The following GHR variants were observed in gnomAD, a reference collection of about 807,000 sequenced individuals.
GHR encodes GH receptor.
A neutral mutation model predicts 67.1 loss-of-function variants in GHR; 35 were observed. The ratio of observed to expected loss-of-function variants is 0.52; its 90% CI spans 0.40 to 0.69. The LOEUF (loss-of-function observed/expected upper bound fraction) is 0.69, where lower values mean the gene tolerates loss of function less well. Among genes scored for constraint, GHR ranks in the 30% least tolerant of loss-of-function variants. The probability of loss-of-function intolerance (pLI) is 0.00; values close to 1 mark genes in which losing one functional copy is unlikely to be tolerated. For synonymous variants in GHR, 272 were observed against 269.1 expected (o/e 1.01, Z -0.10); for missense variants, 792 against 764.6 (o/e 1.04, Z -0.42).
intron 2 of GHR, among the ~76,000 whole-genome samples, chr5:42,581,861 C>T (rs1266344516): frequency 6.6e-6 from 1 of 152,214 alleles, no homozygotes; most frequent in African/African-American, 2.4e-5. Context: ...TCCCCGTGCT[C>T]TCGGGGGCCC....
At chr5:42,473,749 C>T (rs539287144) in intron 1 of GHR, among the ~76,000 whole-genome samples, 5 of 151,718 alleles carry the variant, frequency 3.3e-5, no homozygotes, top group Non-Finnish European at 5.9e-5. Flanking sequence ...TGGTGGCATG[C>T]GCCTGTAGTC....
At chr5:42,551,186 C>T (rs375454444) in intron 1 of GHR, among the ~76,000 whole-genome samples, 1 of 152,130 alleles carries the variant, frequency 6.6e-6, no homozygotes, top group African/African-American at 2.4e-5. Context: ...CTGTGTCTTG[C>T]CCTTAGAAGT....
intron 6 of GHR, among the ~76,000 whole-genome samples, chr5:42,706,346 C>A (rs2111782636): frequency 6.6e-6 from 1 of 152,084 alleles, no homozygotes; most frequent in South Asian, 2.1e-4. Flanking sequence ...TGTAGATTAT[C>A]TGTTTTTTCA....
At chr5:42,665,517 A>G (rs901862443) in intron 3 of GHR, among the ~76,000 whole-genome samples, 3 of 151,814 alleles carry the variant, frequency 2.0e-5, no homozygotes, top group African/African-American at 7.3e-5. Flanking sequence ...AACACCGCAT[A>G]TTCTCACTCA....
At chr5:42,665,177 G>T (rs1755890505) in intron 3 of GHR, among the ~76,000 whole-genome samples, 1 of 152,160 alleles carries the variant, frequency 6.6e-6, no homozygotes, top group Non-Finnish European at 1.5e-5. Flanking sequence ...AACCATTGTG[G>T]AAGTCAGTGT....
Position 42,565,899 on chromosome 5 carries a change from A to G in GHR, c.25A>G (p.Thr9Ala), listed in dbSNP as rs528933970. MDLWQLLL[T>A]LALAGSSDAF... ...TATGGATCTCTGGCAGCTGCTGTTG[A>G]CCTTGGCACTGGCAGGATCAAGTGA... The change falls in exon 2 of 10, where the codon ACC becomes GCC. Residue 9 changes from threonine to alanine, a missense_variant. By Grantham distance (58) the Thr-to-Ala change is moderately conservative. Coordinates refer to ENST00000230882, the MANE Select transcript of GHR (RefSeq NM_000163.5). 11 of 1,614,010 alleles carry G rather than the reference A, an allele frequency of 6.8e-6. No homozygotes were observed. In the Admixed American group the frequency reaches 1.3e-4, roughly 20 times the overall value.
At chr5:42,430,751 C>A (rs1244811479) in intron 1 of GHR, among the ~76,000 whole-genome samples, 1 of 151,956 alleles carries the variant, frequency 6.6e-6, no homozygotes, top group Non-Finnish European at 1.5e-5. Context: ...TGATTCAGTT[C>A]CTTTTTTTAC....
chr5:42,497,493 T>A (rs1021695029), intron 1 of GHR, among the ~76,000 whole-genome samples: 2 of 152,196 alleles, frequency 1.3e-5, no homozygotes, highest in East Asian at 1.9e-4. Context: ...AGTTTCAATG[T>A]CCTTTTAAGC....
At chr5:42,537,148 T>C (rs1269364336) in intron 1 of GHR, among the ~76,000 whole-genome samples, 1 of 151,988 alleles carries the variant, frequency 6.6e-6, no homozygotes, top group Non-Finnish European at 1.5e-5. Flanking sequence ...TTTTTTCTTT[T>C]AATTTTATTT....
At chr5:42,702,856 A>G (rs144927116) in intron 6 of GHR, among the ~76,000 whole-genome samples, 1 of 151,910 alleles carries the variant, frequency 6.6e-6, no homozygotes, top group Non-Finnish European at 1.5e-5. Flanking sequence ...GGCCATTTCT[A>G]TATCTTCTTT....
At chr5:42,458,433 A>G (rs975932936) in intron 1 of GHR, among the ~76,000 whole-genome samples, 1 of 152,210 alleles carries the variant, frequency 6.6e-6, no homozygotes, top group South Asian at 2.1e-4. Context: ...CATATGCAGA[A>G]GATTGAAGCT....
At chr5:42,441,581 C>T (rs1259797212) in intron 1 of GHR, among the ~76,000 whole-genome samples, 1 of 151,836 alleles carries the variant, frequency 6.6e-6, no homozygotes, top group Non-Finnish European at 1.5e-5. Flanking sequence ...ACGATCTTGG[C>T]TCACTGCAAG....
intron 1 of GHR, among the ~76,000 whole-genome samples, chr5:42,544,723 G>C (rs1748662656): frequency 1.3e-5 from 2 of 152,054 alleles, no homozygotes; most frequent in African/African-American, 4.8e-5. Flanking sequence ...GCATCAAAAA[G>C]TTCCATATAA....
rs549362036 is a variant in GHR at position 42,718,745 on chromosome 5, A to G, written c.1238A>G (p.Gln413Arg). The G allele has an allele frequency of 1.2e-6, 2 of 1,614,210 alleles. No homozygotes were observed. Among genetic ancestry groups the G allele is most frequent in the South Asian group, 2.2e-5 (2 of 91,084 alleles). The stretch of plus-strand genomic sequence containing the variant: ...CATGAGGGTACCTCAGAGGTTGCTC[A>G]GCCACAGAGGTTAAAAGGGGAAGCA... The part of the protein sequence containing the change: ...DIHEGTSEVA[Q>R]PQRLKGEADL... Residue 413 changes from glutamine to arginine, a missense_variant, in exon 10 of 10, where the codon CAG (glutamine) becomes CGG (arginine). Transcript: ENST00000230882.
chr5:42,641,060 C>A (rs1188639715), intron 3 of GHR, among the ~76,000 whole-genome samples: 1 of 152,092 alleles, frequency 6.6e-6, no homozygotes, highest in African/African-American at 2.4e-5. Context: ...CTCAGGGCTG[C>A]CCTTAGTCAT....
At chr5:42,534,804 G>A (rs186026442) in intron 1 of GHR, among the ~76,000 whole-genome samples, 6 of 151,864 alleles carry the variant, frequency 4.0e-5, no homozygotes, top group South Asian at 2.1e-4. Flanking sequence ...CCTGATCACC[G>A]CATTCATGCC....
intron 1 of GHR, among the ~76,000 whole-genome samples, chr5:42,469,164 G>A (rs1327580998): frequency 1.3e-5 from 2 of 152,208 alleles, no homozygotes; most frequent in Admixed American, 6.5e-5. Context: ...CTTATTGTCT[G>A]TTTTATTATT....
chr5:42,462,264 A>C (rs2112049047), intron 1 of GHR, among the ~76,000 whole-genome samples: 1 of 152,270 alleles, frequency 6.6e-6, no homozygotes, highest in Admixed American at 6.5e-5. Flanking sequence ...CTGTCATTAG[A>C]TTGATTTTCA....
intron 3 of GHR, among the ~76,000 whole-genome samples, chr5:42,632,263 C>G (rs1333775356): frequency 6.6e-6 from 1 of 152,122 alleles, no homozygotes; most frequent in Non-Finnish European, 1.5e-5. Context: ...TCCTCCCACC[C>G]CATCCTGGAT....
Sources: allele counts gnomAD v4.1 joint callset (sites outside exome capture counted in the v4.1 genomes callset), GRCh38; gene constraint gnomAD v4.1.1; transcripts MANE v1.5; gene names NCBI Gene and HGNC (gene_info 2026-07-23, HGNC 2026-07-21).